Variants in NUP153 observed in about 807,000 individuals in gnomAD.
The protein encoded by NUP153 is nuclear pore complex protein Nup153.
A neutral mutation model predicts 134.6 loss-of-function variants in NUP153; 27 were observed. The ratio of observed to expected loss-of-function variants is 0.20; its 90% confidence interval spans 0.15 to 0.28. The LOEUF is 0.28. Ranked by LOEUF, NUP153 falls within the 10% of genes least tolerant of loss-of-function variation. The probability of loss-of-function intolerance (pLI) is 1.00; values close to 1 mark genes in which losing one functional copy is unlikely to be tolerated. For synonymous variants in NUP153, 640 were observed against 623.5 expected, an observed-to-expected ratio of 1.03 and a Z score of -0.40; for missense variants, 1,821 against 1,731.3, an observed-to-expected ratio of 1.05 and a Z score of -0.92.
At chr6:17,667,971 T>C (rs563050101) in intron 8 of NUP153, among the ~76,000 whole-genome samples, 4 of 152,058 alleles carry the variant, frequency 2.6e-5, no homozygotes, top group East Asian at 1.9e-4. Flanking sequence ...ATCTGCCTAA[T>C]TGAAATTCTA....
chr6:17,617,531 T>C (rs1308926056), intron 20 of NUP153, among the ~76,000 whole-genome samples: 1 of 142,240 alleles, frequency 7.0e-6, no homozygotes, highest in East Asian at 2.4e-4. Flanking sequence ...AATCAATCCC[T>C]CCCAACACCA....
intron 5 of NUP153, among the ~76,000 whole-genome samples, chr6:17,674,703 G>A (rs1768112547): frequency 6.6e-6 from 1 of 152,098 alleles, no homozygotes; most frequent in African/African-American, 2.4e-5. Flanking sequence ...CCAGGAGACG[G>A]AGGTTGCAGT....
At chr6:17,662,566 G>C (rs893698824) in intron 9 of NUP153, among the ~76,000 whole-genome samples, 10 of 152,118 alleles carry the variant, frequency 6.6e-5, no homozygotes, top group Non-Finnish European at 1.3e-4. Flanking sequence ...AAAAGATACA[G>C]GCAAGAATCA....
chr6:17,698,020 C>G (rs1361064095), intron 1 of NUP153, among the ~76,000 whole-genome samples: 1 of 152,156 alleles, frequency 6.6e-6, no homozygotes, highest in Non-Finnish European at 1.5e-5. Context: ...CTTTTCTTCA[C>G]ATTATCCTTA....
chr6:17,630,747 AGAAGG>A (rs1183637998), intron 17 of NUP153, among the ~76,000 whole-genome samples: 32 of 119,700 alleles, frequency 2.7e-4, no homozygotes, highest in Non-Finnish European at 5.0e-4. Context: ...AGGGGAGGGG[AGAAGG>A]GAGGGGAGAG....
intron 14 of NUP153, among the ~76,000 whole-genome samples, chr6:17,645,835 C>T (rs557123448): frequency 1.3e-5 from 2 of 152,134 alleles, no homozygotes; most frequent in Non-Finnish European, 2.9e-5. Flanking sequence ...GCTACCATGC[C>T]TATCTCTCTC....
chr6:17,706,244 C>T lies in NUP153; in HGVS notation c.111+33G>A. On this transcript the variant is annotated intron_variant, in intron 1 of 21. Transcript: ENST00000262077. This position sits in a 1 kb window ranked among gnomAD's most constrained non-coding sequence, Gnocchi z 5.9. ...GTCCCCTCCAGCCGAGTTTCCCCAC[C>T]CGCCAGGCCACCGCGGCGTCGGGGT... is the stretch of plus-strand genomic sequence containing the variant. 1.9e-6 allele frequency: 3 copies of T among 1,562,580 alleles called. No homozygotes were observed. Among genetic ancestry groups the T allele is most frequent in the African/African-American group, 1.4e-5 (1 of 73,872 alleles).
At position 17,637,944 on chromosome 6, in the gene NUP153, A is replaced by G. The variant is rs184297496; in HGVS notation, c.1847-174T>C. On this transcript the variant is annotated intron_variant, in intron 15 of 21. Transcript: ENST00000262077. ...TAATCATATTTATCAATTACCTAAT[A>G]AGTTACACTTAAACCATTTAAAATT... Among the ~76,000 whole-genome samples, 386 of 152,344 alleles carry G rather than the reference A, an allele frequency of 2.5e-3. 4 individuals are homozygous for G. Among genetic ancestry groups the G allele is most frequent in the African/African-American group, 8.6e-3 (356 of 41,576 alleles).
chr6:17,622,572 C>A (rs1764700854), intron 20 of NUP153, among the ~76,000 whole-genome samples: 1 of 152,154 alleles, frequency 6.6e-6, no homozygotes. Flanking sequence ...GTTTCAACAA[C>A]AGTGTGACTC....
intron 1 of NUP153, among the ~76,000 whole-genome samples, chr6:17,694,694 G>C (rs1312023450): frequency 1.3e-4 from 20 of 151,618 alleles, no homozygotes; most frequent in Non-Finnish European, 8.8e-5. Flanking sequence ...ATAAAGGATG[G>C]GGCTGGGGCC....
chr6:17,691,996 A>C (rs1328678711), intron 1 of NUP153, among the ~76,000 whole-genome samples: 3 of 152,114 alleles, frequency 2.0e-5, no homozygotes, highest in Non-Finnish European at 2.9e-5. Context: ...TAGATTTAAA[A>C]ATTTTTTGGG....
At chr6:17,662,228 G>C (rs1318210277) in intron 9 of NUP153, 158 bp from the exon 10 acceptor site, 2 of 173,758 alleles carry the variant, frequency 1.2e-5, no homozygotes, top group African/African-American at 4.8e-5. Flanking sequence ...CCTTCTGAAT[G>C]GTAACCAAGA....
In NUP153 at chr6:17,637,193, T is replaced by C. The variant is rs144280411; in HGVS notation, c.2424A>G (p.Ala808=). The stretch of plus-strand genomic sequence containing the variant: ...TACAGGACACACACTTATTGTCTTC[T>C]GCATTATTAGAAACACAGCATACTG... ...ECSVCCVSNN[A]EDNKCVSCMS... is the part of the protein sequence containing the mutation. Residue 808 remains alanine, a synonymous_variant, in exon 16 of 22, where the codon GCA becomes GCG. Coordinates refer to ENST00000262077, the MANE Select transcript of NUP153 (RefSeq NM_005124.4). 3.1e-6 allele frequency: 5 copies of C among 1,614,072 alleles called. No homozygotes were observed. The highest frequency in any genetic ancestry group is 3.3e-5 in the Admixed American group (2 of 60,018).
intron 5 of NUP153, among the ~76,000 whole-genome samples, chr6:17,670,936 G>C (rs1396022696): frequency 6.6e-6 from 1 of 151,830 alleles, no homozygotes; most frequent in South Asian, 2.1e-4. Context: ...TCAGCCTCCC[G>C]AGTAGCTGGG....
chr6:17,627,068 T>G (rs1330701058), intron 18 of NUP153, among the ~76,000 whole-genome samples: 1 of 152,240 alleles, frequency 6.6e-6, no homozygotes, highest in Non-Finnish European at 1.5e-5. Flanking sequence ...TTTTCTAAAC[T>G]ATTCCAATAA....
In NUP153 at chr6:17,629,529, T is replaced by C. The variant is rs772771976; in HGVS notation, c.2670A>G (p.Thr890=). ...GTKSGFKGFD[T]SSSSSNSAAS... ...CTGCTGAGTTCGAAGATGAGGAAGATGTGTCAAAGCCTACAAAAATATAAA... is the reference window on the plus strand; with the variant it reads ...CTGCTGAGTTCGAAGATGAGGAAGACGTGTCAAAGCCTACAAAAATATAAA... Residue 890 remains threonine, a synonymous_variant, in exon 18 of 22, where the codon ACA becomes ACG. Transcript: ENST00000262077. 2.5e-6 allele frequency: 4 copies of C among 1,592,700 alleles called. No homozygotes were observed. The highest frequency in any genetic ancestry group is 1.1e-5 in the South Asian group (1 of 87,094).
intron 1 of NUP153, among the ~76,000 whole-genome samples, chr6:17,700,494 T>C (rs911262398): frequency 2.6e-5 from 4 of 152,348 alleles, no homozygotes; most frequent in Admixed American, 2.6e-4. Flanking sequence ...TCCCACTGAT[T>C]ATATTAAGCA....
rs1490903802 is a variant in NUP153, at chr6:17,625,420, C to A, written c.3901+388G>T. Reference sequence around the variant, plus strand: ...TGGCGGGCACCTGTAATCCCAGCTACTCAGGAGGCTGAGGCAGGAGAATTG... The same window carrying A: ...TGGCGGGCACCTGTAATCCCAGCTAATCAGGAGGCTGAGGCAGGAGAATTG... On this transcript the variant is annotated intron_variant, in intron 19 of 21. Coordinates refer to ENST00000262077, the MANE Select transcript of NUP153 (RefSeq NM_005124.4). This position sits in a 1 kb window ranked among gnomAD's most constrained non-coding sequence, Gnocchi z 4.7. 6.6e-6 allele frequency among the ~76,000 whole-genome samples: 1 copy of A among 152,152 alleles called. No individual in the cohort carries two copies. Among genetic ancestry groups the A allele is most frequent in the Non-Finnish European group, 1.5e-5 (1 of 68,040 alleles).
intron 8 of NUP153, among the ~76,000 whole-genome samples, chr6:17,665,717 G>GTT (rs770751126): frequency 1.0e-4 from 15 of 147,792 alleles, no homozygotes; most frequent in South Asian, 2.2e-4. Flanking sequence ...ACCTTTTACA[G>GTT]TTTTTTGTTT....
Sources: allele counts gnomAD v4.1 joint callset (sites outside exome capture counted in the v4.1 genomes callset), GRCh38; gene constraint gnomAD v4.1.1; non-coding constraint Gnocchi (gnomAD v3.1); transcripts MANE v1.5; gene names NCBI Gene and HGNC (gene_info 2026-07-23, HGNC 2026-07-21).